VPS13B: variants seen among roughly 807,000 people sequenced by gnomAD.
The protein encoded by VPS13B is intermembrane lipid transfer protein VPS13B.
A neutral mutation model predicts 426.4 loss-of-function variants in VPS13B; 285 were observed. The observed-to-expected ratio is 0.67, with a 90% CI of 0.61 to 0.74. The LOEUF is 0.74. VPS13B is among the 30% of genes least tolerant of loss of function. The pLI is 0.00. For synonymous variants in VPS13B, 1,676 were observed against 1,676.4 expected (o/e 1.00, Z 0.01); for missense variants, 4,537 against 4,782.6 (o/e 0.95, Z 1.51).
At chr8:99,574,678 G>A (rs1460172715) in intron 31 of VPS13B, among the ~76,000 whole-genome samples, 4 of 152,166 alleles carry the variant, frequency 2.6e-5, no homozygotes, top group Non-Finnish European at 5.9e-5. Context: ...ACATAAAGAA[G>A]AACTAAAATA....
intron 17 of VPS13B, among the ~76,000 whole-genome samples, chr8:99,271,251 T>C (rs1287907439): frequency 1.3e-5 from 2 of 150,126 alleles, no homozygotes; most frequent in South Asian, 2.1e-4. Context: ...ACTACTACGA[T>C]GATGATTGTA....
chr8:99,073,777 C>CA (rs1262397850), intron 3 of VPS13B, among the ~76,000 whole-genome samples: 28 of 81,246 alleles, frequency 3.4e-4, no homozygotes, highest in African/African-American at 1.3e-3. Context: ...TTTCTTTCTT[C>CA]TTTTTTTTTG....
intron 33 of VPS13B, among the ~76,000 whole-genome samples, chr8:99,607,534 A>G (rs1827649318): frequency 6.6e-6 from 1 of 152,196 alleles, no homozygotes; most frequent in Non-Finnish European, 1.5e-5. Context: ...AAGAGATGGA[A>G]GCTCAAAAGT....
At chr8:99,328,249 C>A (rs1482981955) in intron 19 of VPS13B, among the ~76,000 whole-genome samples, 1 of 152,164 alleles carries the variant, frequency 6.6e-6, no homozygotes, top group Non-Finnish European at 1.5e-5. Context: ...CAATCGCCAT[C>A]CCTGAACCAA....
chr8:99,505,366 A>G (rs1464192169), intron 27 of VPS13B, among the ~76,000 whole-genome samples: 1 of 152,152 alleles, frequency 6.6e-6, no homozygotes, highest in Admixed American at 6.6e-5. Flanking sequence ...AATCATTTTT[A>G]GATTTTTATT....
At chr8:99,472,401 T>C (rs1015872156) in intron 24 of VPS13B, among the ~76,000 whole-genome samples, 1 of 151,806 alleles carries the variant, frequency 6.6e-6, no homozygotes, top group African/African-American at 2.4e-5. Flanking sequence ...TTAATAATAA[T>C]AAAATAGCTA....
At chr8:99,391,418 G>A (rs1247245097) in intron 20 of VPS13B, 139 bp from the exon 21 acceptor site, 9 of 1,331,556 alleles carry the variant, frequency 6.8e-6, no homozygotes, top group Non-Finnish European at 9.3e-6. Context: ...GGGAGGGAGA[G>A]ATTGATTGAT....
intron 56 of VPS13B, among the ~76,000 whole-genome samples, chr8:99,854,971 C>T (rs1251798178): frequency 6.6e-6 from 1 of 152,190 alleles, no homozygotes; most frequent in Non-Finnish European, 1.5e-5. Flanking sequence ...TGCTGTTTCT[C>T]AGGGACTCAG....
chr8:99,648,882 T>A (rs1829696168), intron 34 of VPS13B, among the ~76,000 whole-genome samples: 1 of 152,056 alleles, frequency 6.6e-6, no homozygotes, highest in Admixed American at 6.6e-5. Context: ...ATTAGGAACC[T>A]CCTTTTGCAT....
At chr8:99,156,375 A>G (rs1157742569) in intron 14 of VPS13B, among the ~76,000 whole-genome samples, 174 bp from the exon 15 acceptor site, 2 of 152,246 alleles carry the variant, frequency 1.3e-5, no homozygotes, top group Non-Finnish European at 2.9e-5. Context: ...TATTTAAAAT[A>G]CATGGAAAGA....
chr8:99,868,853 A>T (rs932635508), intron 59 of VPS13B, among the ~76,000 whole-genome samples: 1 of 152,228 alleles, frequency 6.6e-6, no homozygotes, highest in Admixed American at 6.5e-5. Flanking sequence ...AATGAGACAG[A>T]GTGTGGATGT....
intron 20 of VPS13B, among the ~76,000 whole-genome samples, chr8:99,389,264 AT>A (rs921426332): frequency 2.0e-5 from 3 of 152,066 alleles, no homozygotes; most frequent in Non-Finnish European, 4.4e-5. Flanking sequence ...TTTTATATGG[AT>A]TTATAAAACT....
intron 2 of VPS13B, among the ~76,000 whole-genome samples, chr8:99,028,067 T>A (rs955880298): frequency 1.3e-5 from 2 of 152,244 alleles, no homozygotes; most frequent in African/African-American, 4.8e-5. Flanking sequence ...GGCAGAAGAA[T>A]TTTTCTTAGT....
At position 99,156,681 on chromosome 8, in the gene VPS13B, A is replaced by G; in HGVS notation, c.2146A>G (p.Ser716Gly). Reference protein sequence around the residue: ...MYAEQLVHVVSSLTQPSDNLL... With the variant: ...MYAEQLVHVVGSLTQPSDNLL... The stretch of plus-strand genomic sequence containing the variant: ...TGCTGAACAGTTGGTGCATGTGGTC[A>G]GCAGCCTTACTCAACCTTCTGATAA... The change falls in exon 15 of 62, where the codon AGC (serine) becomes GGC (glycine). Residue 716 changes from serine (S) to glycine (G), a missense_variant. Transcript: ENST00000357162. 1 of 1,614,116 alleles carries G rather than the reference A, an allele frequency of 6.2e-7. No individual in the cohort carries two copies. Among genetic ancestry groups the G allele is most frequent in the East Asian group, 2.2e-5 (1 of 44,868 alleles).
intron 17 of VPS13B, among the ~76,000 whole-genome samples, chr8:99,210,371 C>T (rs34930351): frequency 0.051 from 7,762 of 152,142 alleles, 218 homozygotes; most frequent in African/African-American, 0.071. Flanking sequence ...GAGCTATGTT[C>T]CTTTGGGGTG....
At chr8:99,694,941 G>T (rs1164970962) in intron 35 of VPS13B, among the ~76,000 whole-genome samples, 1 of 151,754 alleles carries the variant, frequency 6.6e-6, no homozygotes, top group Non-Finnish European at 1.5e-5. Context: ...AAAAACACAT[G>T]AAAAAATGCT....
chr8:99,492,279 G>A (rs1231044939), intron 25 of VPS13B, among the ~76,000 whole-genome samples: 4 of 152,152 alleles, frequency 2.6e-5, no homozygotes, highest in African/African-American at 7.2e-5. Context: ...GGTGTCTGTC[G>A]GCCCCTACTG....
intron 19 of VPS13B, among the ~76,000 whole-genome samples, chr8:99,300,309 TG>T (rs1820290716): frequency 6.6e-6 from 1 of 152,262 alleles, no homozygotes; most frequent in Admixed American, 6.5e-5. Context: ...GGCATTAATG[TG>T]CACTTTGATA....
intron 17 of VPS13B, among the ~76,000 whole-genome samples, chr8:99,204,199 A>G (rs1163246305): frequency 6.6e-6 from 1 of 152,204 alleles, no homozygotes; most frequent in Non-Finnish European, 1.5e-5. Context: ...CTCAGAAATA[A>G]CACCACACAT....
Sources: allele counts gnomAD v4.1 joint callset (sites outside exome capture counted in the v4.1 genomes callset), GRCh38; gene constraint gnomAD v4.1.1; transcripts MANE v1.5; gene names NCBI Gene and HGNC (gene_info 2026-07-23, HGNC 2026-07-21).